NAALADL2: variants seen among roughly 807,000 people sequenced by gnomAD.
NAALADL2 encodes the protein N-acetylated alpha-linked acidic dipeptidase like 2, also known as inactive N-acetylated-alpha-linked acidic dipeptidase-like protein 2.
In NAALADL2, 76 loss-of-function variants were observed where a neutral mutation model predicts 87.2. That is an observed-to-expected ratio of 0.87 (90% CI 0.72 to 1.05). The LOEUF (loss-of-function observed/expected upper bound fraction) is 1.05, where lower values mean the gene tolerates loss of function less well. Ranked by LOEUF, NAALADL2 falls within the 50% of genes least tolerant of loss-of-function variation. The pLI, the probability that NAALADL2 is intolerant of heterozygous loss-of-function variation, is 0.00. For missense variants in NAALADL2, 1,089 were observed against 945.8 expected (o/e 1.15, Z -1.99); for synonymous variants, 354 against 331.0 (o/e 1.07, Z -0.75).
intron 5 of NAALADL2, among the ~76,000 whole-genome samples, chr3:175,349,512 C>A (rs529793357): frequency 6.6e-6 from 1 of 152,154 alleles, no homozygotes; most frequent in Non-Finnish European, 1.5e-5. Flanking sequence ...CTGTCTTCAT[C>A]CCAAAAGCTT....
At chr3:174,825,042 A>T (rs569389904) in intron 3 of NAALADL2, among the ~76,000 whole-genome samples, 1 of 152,316 alleles carries the variant, frequency 6.6e-6, no homozygotes, top group East Asian at 1.9e-4. Context: ...AGAAAGGACC[A>T]AGTTTCTTTT....
At chr3:175,734,314 G>A (rs1195036199) in intron 11 of NAALADL2, among the ~76,000 whole-genome samples, 3 of 152,078 alleles carry the variant, frequency 2.0e-5, no homozygotes, top group Non-Finnish European at 4.4e-5. Flanking sequence ...CAGCACTTTG[G>A]GAGGCCAAAG....
At chr3:174,591,528 G>A (rs2108586781) in intron 2 of NAALADL2, among the ~76,000 whole-genome samples, 1 of 152,274 alleles carries the variant, frequency 6.6e-6, no homozygotes, top group South Asian at 2.1e-4. Flanking sequence ...AGCATGAAAT[G>A]AAAACTTCCC....
chr3:174,994,219 T>C (rs781330282), intron 1 of NAALADL2, among the ~76,000 whole-genome samples: 1 of 152,194 alleles, frequency 6.6e-6, no homozygotes, highest in Non-Finnish European at 1.5e-5. Context: ...CTGAGTGTCA[T>C]TGTAACTGAA....
At chr3:175,351,426 A>G (rs1032416104) in intron 5 of NAALADL2, among the ~76,000 whole-genome samples, 4 of 151,256 alleles carry the variant, frequency 2.6e-5, no homozygotes, top group African/African-American at 7.3e-5. Flanking sequence ...ATGTATGTAT[A>G]TGCACACACA....
intron 9 of NAALADL2, among the ~76,000 whole-genome samples, chr3:175,475,708 G>C (rs1014160176): frequency 6.6e-6 from 1 of 152,058 alleles, no homozygotes; most frequent in Admixed American, 6.6e-5. Flanking sequence ...GGGACAGACA[G>C]TGTTTTTTTA....
intron 1 of NAALADL2, among the ~76,000 whole-genome samples, chr3:174,868,183 G>A (rs1294887641): frequency 6.6e-6 from 1 of 152,056 alleles, no homozygotes; most frequent in Non-Finnish European, 1.5e-5. Flanking sequence ...GAAATGTAAT[G>A]CTTTTACCTT....
At chr3:174,815,194 G>A (rs1009862964) in intron 3 of NAALADL2, among the ~76,000 whole-genome samples, 2 of 152,114 alleles carry the variant, frequency 1.3e-5, no homozygotes, top group African/African-American at 4.8e-5. Flanking sequence ...GTTTGCCAGA[G>A]CTGTTGTAAC....
intron 1 of NAALADL2, among the ~76,000 whole-genome samples, chr3:175,048,002 G>C (rs1400453186): frequency 2.0e-5 from 3 of 152,136 alleles, no homozygotes; most frequent in Admixed American, 6.5e-5. Flanking sequence ...GTCAGGAAGT[G>C]GCACTTCATT....
chr3:175,432,663 A>G (rs1039378579), intron 5 of NAALADL2, among the ~76,000 whole-genome samples: 1 of 152,028 alleles, frequency 6.6e-6, no homozygotes, highest in East Asian at 1.9e-4. Flanking sequence ...TTCGAAACAT[A>G]TATGGAAAAA....
At chr3:175,447,677 G>A (rs953531569) in intron 6 of NAALADL2, among the ~76,000 whole-genome samples, 6 of 152,140 alleles carry the variant, frequency 3.9e-5, no homozygotes, top group Non-Finnish European at 7.4e-5. Flanking sequence ...ATAGCTTCCC[G>A]GTTTCAGCTT....
intron 1 of NAALADL2, among the ~76,000 whole-genome samples, chr3:174,943,912 C>T (rs1431351176): frequency 6.6e-6 from 1 of 152,168 alleles, no homozygotes; most frequent in Non-Finnish European, 1.5e-5. Context: ...CCTGGAGGCT[C>T]TGCCCAGGGA....
intron 1 of NAALADL2, among the ~76,000 whole-genome samples, chr3:175,056,832 A>C (rs1425795259): frequency 1.3e-5 from 2 of 152,216 alleles, no homozygotes; most frequent in African/African-American, 4.8e-5. Context: ...TTTGTGGTTT[A>C]AGAAAACCCG....
intron 2 of NAALADL2, among the ~76,000 whole-genome samples, chr3:174,575,856 AGTTT>A (rs973595268): frequency 2.0e-5 from 3 of 152,000 alleles, no homozygotes; most frequent in Non-Finnish European, 4.4e-5. Context: ...GAGTATATAT[AGTTT>A]GTTTGTTTGT....
intron 3 of NAALADL2, among the ~76,000 whole-genome samples, chr3:174,844,180 A>C (rs1724339938): frequency 6.6e-6 from 1 of 152,006 alleles, no homozygotes; most frequent in South Asian, 2.1e-4. Context: ...AACTATTTTT[A>C]GTTTATTTTT....
chr3:174,871,631 G>A (rs972462568), intron 1 of NAALADL2, among the ~76,000 whole-genome samples: 3 of 152,166 alleles, frequency 2.0e-5, no homozygotes, highest in African/African-American at 4.8e-5. Context: ...GGGCACAGTG[G>A]CTCACAGCTG....
chr3:175,451,364 GA>G (rs1262880380), intron 6 of NAALADL2, among the ~76,000 whole-genome samples: 6 of 152,128 alleles, frequency 3.9e-5, no homozygotes, highest in Admixed American at 3.9e-4. Context: ...AAAGAATCAT[GA>G]AAAAAGTTCC....
At chr3:174,839,580 T>C (rs2109413383) in intron 3 of NAALADL2, among the ~76,000 whole-genome samples, 1 of 152,100 alleles carries the variant, frequency 6.6e-6, no homozygotes, top group Non-Finnish European at 1.5e-5. Context: ...AGAGAAAACC[T>C]TCACAATCTA....
chr3:175,529,664 A>G (rs569410610), intron 9 of NAALADL2, among the ~76,000 whole-genome samples: 1 of 152,266 alleles, frequency 6.6e-6, no homozygotes, highest in East Asian at 1.9e-4. Context: ...GATGGTGAAC[A>G]TGGTAACAGC....
Sources: allele counts gnomAD v4.1 joint callset (sites outside exome capture counted in the v4.1 genomes callset), GRCh38; gene constraint gnomAD v4.1.1; transcripts MANE v1.5; gene names NCBI Gene and HGNC (gene_info 2026-07-23, HGNC 2026-07-21).